The following RBFOX1 variants were observed in gnomAD, a reference collection of about 807,000 sequenced individuals.
RBFOX1 encodes RNA binding protein fox-1 homolog 1.
In RBFOX1, 8 loss-of-function variants were observed where a neutral mutation model predicts 57.7. The ratio of observed to expected loss-of-function variants is 0.14; its 90% CI spans 0.08 to 0.25. The LOEUF is 0.25. Ranked by LOEUF, RBFOX1 falls within the 10% of genes least tolerant of loss-of-function variation. The probability of loss-of-function intolerance (pLI) is 1.00; values close to 1 mark genes in which losing one functional copy is unlikely to be tolerated. For synonymous variants in RBFOX1, 326 were observed against 222.4 expected (o/e 1.47, Z -4.15); for missense variants, 611 against 548.5 (o/e 1.11, Z -1.14).
intron 4 of RBFOX1, among the ~76,000 whole-genome samples, chr16:7,338,569 C>A (rs559025118): frequency 6.6e-6 from 1 of 151,932 alleles, no homozygotes; most frequent in Non-Finnish European, 1.5e-5. Flanking sequence ...AAAAAAAATT[C>A]TTTTGTAGAG....
chr16:6,272,930 C>G (rs528293173), intron 1 of RBFOX1, among the ~76,000 whole-genome samples: 1 of 152,234 alleles, frequency 6.6e-6, no homozygotes, highest in South Asian at 2.1e-4. Flanking sequence ...GGATCATTAA[C>G]TTTGATATAA....
chr16:5,657,607 G>GCTTT (rs71404539), intron 3 of RBFOX1, among the ~76,000 whole-genome samples: 6 of 94,148 alleles, frequency 6.4e-5, no homozygotes, highest in African/African-American at 2.2e-4. Context: ...TTTCTCGCTC[G>GCTTT]CTTTCTTTCT....
At chr16:6,269,218 G>A (rs2074917767) in intron 1 of RBFOX1, among the ~76,000 whole-genome samples, 1 of 152,270 alleles carries the variant, frequency 6.6e-6, no homozygotes, top group South Asian at 2.1e-4. Flanking sequence ...TGTGATTGGT[G>A]AATATGTAAG....
chr16:6,182,186 G>T (rs142447054), intron 1 of RBFOX1, among the ~76,000 whole-genome samples: 2 of 152,214 alleles, frequency 1.3e-5, no homozygotes, highest in African/African-American at 4.8e-5. Flanking sequence ...AAGAAAATTG[G>T]GATGCAGAAA....
rs757594191 is a variant in RBFOX1 at position 7,579,964 on chromosome 16, C to T, written c.414+44C>T. The T allele has an allele frequency of 8.8e-6, 14 of 1,595,246 alleles. No individual in the cohort carries two copies. The South Asian group carries it at 1.3e-4, about 15-fold the overall frequency. ...CCCAGCAGTGCCCGCTCTGGGGGTT[C>T]CAGAGACCTCCCTGTCTCATGTAAG... On this transcript the variant is annotated intron_variant, in intron 6 of 15. Coordinates refer to ENST00000550418, the MANE Select transcript of RBFOX1 (RefSeq NM_018723.4).
chr16:7,001,910 CA>C (rs370017085), intron 3 of RBFOX1, among the ~76,000 whole-genome samples: 14 of 152,184 alleles, frequency 9.2e-5, no homozygotes, highest in African/African-American at 3.1e-4. Context: ...CGGGGGTCCC[CA>C]AAATAGAAGA....
At chr16:7,363,050 C>G (rs1456796088) in intron 4 of RBFOX1, among the ~76,000 whole-genome samples, 2 of 152,104 alleles carry the variant, frequency 1.3e-5, no homozygotes, top group African/African-American at 2.4e-5. Flanking sequence ...TGTAAATCAC[C>G]CAGTGTGGGG....
At chr16:7,121,941 C>A (rs1007585855) in intron 4 of RBFOX1, among the ~76,000 whole-genome samples, 6 of 121,144 alleles carry the variant, frequency 5.0e-5, no homozygotes, top group African/African-American at 1.7e-4. Context: ...TTGTTTTCAA[C>A]AACTGGTGTT....
At chr16:5,834,994 C>T (rs1490068334) in intron 3 of RBFOX1, among the ~76,000 whole-genome samples, 1 of 152,176 alleles carries the variant, frequency 6.6e-6, no homozygotes, top group Non-Finnish European at 1.5e-5. Context: ...TTTGAGATAT[C>T]ACCTTACCCC....
At chr16:7,359,939 G>A (rs1051410313) in intron 4 of RBFOX1, among the ~76,000 whole-genome samples, 20 of 151,066 alleles carry the variant, frequency 1.3e-4, no homozygotes, top group Admixed American at 8.6e-4. Flanking sequence ...AGCCGAGATC[G>A]CGCCACTGCA....
intron 2 of RBFOX1, among the ~76,000 whole-genome samples, chr16:6,389,330 G>A (rs971083598): frequency 2.7e-5 from 4 of 149,530 alleles, no homozygotes; most frequent in African/African-American, 1.0e-4. Context: ...AAGATGACCT[G>A]CCCACCACTA....
chr16:7,477,859 A>G (rs2063066141), intron 4 of RBFOX1, among the ~76,000 whole-genome samples: 1 of 152,238 alleles, frequency 6.6e-6, no homozygotes. Flanking sequence ...AGATAATATC[A>G]GAGGGCTTTG....
intron 3 of RBFOX1, among the ~76,000 whole-genome samples, chr16:6,764,158 C>A (rs1441408391): frequency 6.6e-6 from 1 of 152,094 alleles, no homozygotes; most frequent in Admixed American, 6.6e-5. Flanking sequence ...TTCCCTAGTC[C>A]CCTTAAGCTC....
At chr16:5,434,317 C>CTTTGTTTTT (rs2067847693) in intron 1 of RBFOX1, among the ~76,000 whole-genome samples, 1 of 79,734 alleles carries the variant, frequency 1.3e-5, no homozygotes, top group Non-Finnish European at 2.2e-5. Flanking sequence ...TGCTGAAGTC[C>CTTTGTTTTT]TTTTTTTTTT....
chr16:5,423,960 C>G (rs976904162), intron 1 of RBFOX1, among the ~76,000 whole-genome samples: 7 of 152,114 alleles, frequency 4.6e-5, no homozygotes, highest in African/African-American at 1.7e-4. Context: ...CATTATTACC[C>G]GAAGCTCGGG....
At chr16:7,506,946 T>G (rs374334723) in intron 4 of RBFOX1, among the ~76,000 whole-genome samples, 135 of 152,296 alleles carry the variant, frequency 8.9e-4, no homozygotes, top group African/African-American at 3.1e-3. Context: ...GTGGGACATA[T>G]GTGCATACAG....
At chr16:7,328,615 A>G (rs931518759) in intron 4 of RBFOX1, 1 of 151,492 alleles carries the variant, frequency 6.6e-6, no homozygotes, top group Non-Finnish European at 1.5e-5. Flanking sequence ...GAAGGTGGAG[A>G]TAGATGGAAG....
At chr16:6,556,731 G>C (rs950448249) in intron 2 of RBFOX1, among the ~76,000 whole-genome samples, 1 of 152,104 alleles carries the variant, frequency 6.6e-6, no homozygotes, top group Non-Finnish European at 1.5e-5. Flanking sequence ...GTAGAAATTT[G>C]CATTTAAAAG....
At chr16:6,859,164 C>CCT (rs2058521227) in intron 3 of RBFOX1, among the ~76,000 whole-genome samples, 1 of 81,148 alleles carries the variant, frequency 1.2e-5, no homozygotes, top group Non-Finnish European at 2.2e-5. Flanking sequence ...TATATATATA[C>CCT]GTATATATAT....
Sources: allele counts gnomAD v4.1 joint callset (sites outside exome capture counted in the v4.1 genomes callset), GRCh38; gene constraint gnomAD v4.1.1; transcripts MANE v1.5; gene names NCBI Gene and HGNC (gene_info 2026-07-23, HGNC 2026-07-21).